The following CCDC171 variants were observed in gnomAD, a reference collection of about 807,000 sequenced individuals.
CCDC171 encodes the protein coiled-coil domain-containing protein 171.
CCDC171 carries 177 observed loss-of-function variants against 168.2 expected under a neutral mutation model. That is an observed-to-expected ratio of 1.05 (90% CI 0.93 to 1.19). The LOEUF (loss-of-function observed/expected upper bound fraction) is 1.19, where lower values mean the gene tolerates loss of function less well. Among genes scored for constraint, CCDC171 ranks in the 50% most tolerant of loss-of-function variants. The probability of loss-of-function intolerance (pLI) is 0.00; values close to 1 mark genes in which losing one functional copy is unlikely to be tolerated. For synonymous variants in CCDC171, 687 were observed against 540.8 expected (o/e 1.27, Z -3.75); for missense variants, 1,991 against 1,539.0 (o/e 1.29, Z -4.91).
rs1166344477 is a variant in CCDC171, at chr9:15,912,313, G to C, written c.3601-7957G>C. 3.3e-5 allele frequency among the ~76,000 whole-genome samples: 5 copies of C among 152,282 alleles called. No homozygotes were observed. In the East Asian group the frequency reaches 9.6e-4, roughly 29 times the overall value. ...GTATTTTATTCTCTTTGTAGCAGTT[G>C]TGAATGGGAGTTTGCTCATTATTTG... On this transcript the variant is annotated intron_variant, in intron 24 of 25. Transcript: ENST00000380701.
chr9:15,794,472 C>T (rs1588541603), intron 21 of CCDC171, among the ~76,000 whole-genome samples: 2 of 150,094 alleles, frequency 1.3e-5, no homozygotes, highest in Non-Finnish European at 3.0e-5. Context: ...CCCGCCCCCA[C>T]CCCCCCACCA....
intron 3 of CCDC171, 85 bp downstream of exon 3, chr9:15,571,844 C>T (rs1444421223): frequency 8.3e-7 from 1 of 1,207,128 alleles, no homozygotes; most frequent in Non-Finnish European, 1.2e-6. Context: ...CCATGTTTAA[C>T]CTTTATAACT....
In CCDC171 at chr9:15,560,639, T is replaced by G. The variant is rs938302714; in HGVS notation, c.-111-3339T>G. Among the ~76,000 whole-genome samples, 9 of 152,272 alleles carry G rather than the reference T, an allele frequency of 5.9e-5. No individual in the cohort carries two copies. In the South Asian group the frequency reaches 1.7e-3, roughly 28 times the overall value. On this transcript the variant is annotated intron_variant, in intron 1 of 25. Coordinates refer to ENST00000380701, the MANE Select transcript of CCDC171 (RefSeq NM_173550.4). Reference sequence around the variant, plus strand: ...AGTTAGCCATTCATCTAATCTTTTTTCAAGGTTTTTAGCTTCTTTGCGATG... The same window carrying G: ...AGTTAGCCATTCATCTAATCTTTTTGCAAGGTTTTTAGCTTCTTTGCGATG...
At chr9:16,042,384 C>T (rs1309224951), upstream of CCDC171, among the ~76,000 whole-genome samples, 1 of 152,184 alleles carries the variant, frequency 6.6e-6, no homozygotes, top group Non-Finnish European at 1.5e-5. Context: ...AATAGGCAGC[C>T]TCTTGAGGCC....
intron 25 of CCDC171, among the ~76,000 whole-genome samples, chr9:15,926,699 T>G (rs1488558615): frequency 6.6e-6 from 1 of 151,666 alleles, no homozygotes; most frequent in African/African-American, 2.4e-5. Flanking sequence ...CACATTGTAG[T>G]GTTGTTATGA....
chr9:16,102,650 G>T, the CCDC171 span, among the ~76,000 whole-genome samples: 1 of 152,102 alleles, frequency 6.6e-6, no homozygotes, highest in Non-Finnish European at 1.5e-5. Flanking sequence ...TTTTAAAAGG[G>T]TCAGAAGATC....
At chr9:15,847,135 G>A (rs2130753727) in intron 22 of CCDC171, among the ~76,000 whole-genome samples, 1 of 152,132 alleles carries the variant, frequency 6.6e-6, no homozygotes, top group Admixed American at 6.6e-5. Context: ...TTATTAATGT[G>A]AAATGTAAGA....
chr9:15,749,081 G>T (rs547406048), intron 18 of CCDC171, among the ~76,000 whole-genome samples: 1 of 151,644 alleles, frequency 6.6e-6, no homozygotes, highest in African/African-American at 2.4e-5. Context: ...CATCTCACAC[G>T]CAGAGATGCA....
intron 1 of CCDC171, among the ~76,000 whole-genome samples, chr9:16,051,328 GT>G (rs1833746115): frequency 6.6e-6 from 1 of 152,102 alleles, no homozygotes; most frequent in Non-Finnish European, 1.5e-5. Flanking sequence ...TGGACAATGT[GT>G]TTTCATAGCA....
intron 24 of CCDC171, among the ~76,000 whole-genome samples, chr9:15,888,674 C>T (rs76731951): frequency 0.048 from 7,238 of 152,048 alleles, 362 homozygotes; most frequent in South Asian, 0.13. Context: ...TAAAATATGA[C>T]CCTATAGACT....
rs369424019 is a variant in CCDC171 at position 15,582,782 on chromosome 9, G to A, written c.352+3759G>A. Among the ~76,000 whole-genome samples, 72 of 152,158 alleles carry A rather than the reference G, an allele frequency of 4.7e-4. 1 individual carries two copies. Among genetic ancestry groups the A allele is most frequent in the African/African-American group, 1.6e-3 (68 of 41,514 alleles). ...GAACATCACACACTGGGGCCTGGCA[G>A]GAGGTGGGGGGCTGGGGGAGGGATA... is the stretch of plus-strand genomic sequence containing the variant. On this transcript the variant is annotated intron_variant, in intron 4 of 25. Transcript: ENST00000380701.
At chr9:16,058,345 G>A (rs1380978408) in intron 1 of CCDC171, among the ~76,000 whole-genome samples, 1 of 151,986 alleles carries the variant, frequency 6.6e-6, no homozygotes, top group Non-Finnish European at 1.5e-5. Context: ...ACACTCCCCT[G>A]CCTCTTTCCT....
chr9:15,908,267 C>T (rs202094218), intron 24 of CCDC171, among the ~76,000 whole-genome samples: 1 of 152,070 alleles, frequency 6.6e-6, no homozygotes, highest in Non-Finnish European at 1.5e-5. Context: ...AATGTCCAAC[C>T]ATGATAGACT....
At chr9:15,744,837 A>G in intron 17 of CCDC171, 60 bp downstream of exon 17, 5 of 1,480,728 alleles carry the variant, frequency 3.4e-6, no homozygotes, top group South Asian at 1.3e-5. Context: ...CAGTGTGACT[A>G]TACCTGGCTA....
rs900693955 is a variant in CCDC171, at chr9:15,841,580, T to C, written c.3268-5122T>C. On this transcript the variant is annotated intron_variant, in intron 21 of 25. Transcript: ENST00000380701. ...GGTATTACTAGAAAACAATAAAAGA[T>C]AGTATCCCTAAGGAAGATTAATTTA... Among the ~76,000 whole-genome samples the C allele has an allele frequency of 7.4e-4, 113 of 152,132 alleles. 1 individual carries two copies. The highest frequency in any genetic ancestry group is 2.5e-3 in the African/African-American group (105 of 41,570).
At chr9:16,039,141 C>A (rs1349353811), upstream of CCDC171, among the ~76,000 whole-genome samples, 1 of 152,052 alleles carries the variant, frequency 6.6e-6, no homozygotes, top group African/African-American at 2.4e-5. Flanking sequence ...GAGAGTTGTC[C>A]AAATAGTGCT....
chr9:15,880,161 A>G lies in CCDC171; in HGVS notation c.3600+5498A>G, dbSNP rs1818426128. ...TTTGTGGCAGCTGCTTGTCTCACAG[A>G]TTTTCTTTTTCATTGCTTTCTAAGT... On this transcript the variant is annotated intron_variant, in intron 24 of 25. Transcript: ENST00000380701. 2.0e-5 allele frequency among the ~76,000 whole-genome samples: 3 copies of G among 151,942 alleles called. No homozygotes were observed. The South Asian group carries it at 6.2e-4, about 32-fold the overall frequency.
At chr9:15,865,664 A>G (rs2061747715) in intron 23 of CCDC171, among the ~76,000 whole-genome samples, 1 of 152,048 alleles carries the variant, frequency 6.6e-6, no homozygotes, top group Non-Finnish European at 1.5e-5. Context: ...TATTATAAGA[A>G]TATAGTATAT....
At chr9:15,790,719 T>C (rs532959265) in intron 21 of CCDC171, among the ~76,000 whole-genome samples, 2 of 152,368 alleles carry the variant, frequency 1.3e-5, no homozygotes, top group East Asian at 3.9e-4. Context: ...CTAGGGTTTT[T>C]ATGGTTTCAG....
Sources: gnomAD v4.1 joint callset for allele counts (sites outside exome capture counted in the v4.1 genomes callset) on GRCh38, gnomAD v4.1.1 for gene constraint, MANE v1.5 for transcripts, NCBI Gene and HGNC (gene_info 2026-07-23, HGNC 2026-07-21) for gene names.